The following GCSH variants were observed in gnomAD, a reference collection of about 807,000 sequenced individuals.
The protein encoded by GCSH is glycine cleavage system protein H.
A neutral mutation model predicts 21.3 loss-of-function variants in GCSH; 15 were observed. The observed-to-expected ratio is 0.70, with a 90% CI of 0.47 to 1.08. The LOEUF (loss-of-function observed/expected upper bound fraction) is 1.08. GCSH is among the 50% of genes least tolerant of loss of function. The probability of loss-of-function intolerance (pLI) is 0.00; values close to 1 mark genes in which losing one functional copy is unlikely to be tolerated. For missense variants in GCSH, 179 were observed against 217.5 expected (o/e 0.82, Z 1.11); for synonymous variants, 59 against 84.5 (o/e 0.70, Z 1.66).
In GCSH at chr16:81,082,237, A is replaced by G. The variant is rs1412; in HGVS notation, c.*629T>C. 0.1 allele frequency: 45,480 copies of G among 453,150 alleles called. 2,622 individuals are homozygous for G. Among genetic ancestry groups the G allele is most frequent in the East Asian group, 0.21 (2,973 of 14,382 alleles). The allele number at this position is 453,150 out of a possible 1,614,324, so 28.1% of individuals were successfully genotyped here. A position where few individuals can be genotyped will look rare whatever the true frequency, so the allele number is the denominator to read the frequency against. ...TGTTCTGGCTTAAATTTCCTTTTAA[A>G]AAGTAACTTTCCGTAAGTTAAAGTT... On this transcript the variant is annotated 3_prime_UTR_variant, in exon 5 of 5. Transcript: ENST00000315467.
intron 1 of GCSH, among the ~76,000 whole-genome samples, chr16:81,094,601 G>A (rs6420421): frequency 1.3e-5 from 2 of 152,086 alleles, no homozygotes; most frequent in Non-Finnish European, 2.9e-5. Context: ...TAGTGATGTA[G>A]GGATCCCTAT....
At position 81,096,334 on chromosome 16, in the gene GCSH, CG is replaced by C; in HGVS notation, c.-57del. 1 of 1,328,456 alleles carries C rather than the reference CG, an allele frequency of 7.5e-7. No homozygotes were observed. 82.3% of individuals were successfully genotyped at this position (1,328,456 alleles called of 1,614,324 possible). A position where few individuals can be genotyped will look rare whatever the true frequency, so the allele number is the denominator to read the frequency against. ...CGCCTCGGCCACCCGCGCCGGGAGG[CG>C]GGGCGGGGAGGGGCAGTTCGCGGCC... On this transcript the variant is annotated 5_prime_UTR_variant, in exon 1 of 5. Transcript: ENST00000315467.
intron 2 of GCSH, among the ~76,000 whole-genome samples, chr16:81,090,306 T>C (rs1972372350): frequency 6.6e-6 from 1 of 151,934 alleles, no homozygotes; most frequent in South Asian, 2.1e-4. Context: ...AGCCTCAACC[T>C]CCTGGGCTCC....
At chr16:81,088,881 G>C (rs1180718169) in intron 2 of GCSH, among the ~76,000 whole-genome samples, 1 of 152,096 alleles carries the variant, frequency 6.6e-6, no homozygotes, top group Non-Finnish European at 1.5e-5. Flanking sequence ...CTCTCCATCA[G>C]GTAAGTGAAT....
Position 81,082,778 on chromosome 16 carries a change from T to G in GCSH, c.*88A>C, listed in dbSNP as rs8177953. 69,294 of 708,724 alleles carry G rather than the reference T, an allele frequency of 0.098. 3,966 individuals are homozygous for G. Among genetic ancestry groups the G allele is most frequent in the East Asian group, 0.21 (8,204 of 39,296 alleles). The allele number at this position is 708,724 out of a possible 1,614,324, so 43.9% of individuals were successfully genotyped here. A position where few individuals can be genotyped will look rare whatever the true frequency, so the allele number is the denominator to read the frequency against. The stretch of plus-strand genomic sequence containing the variant: ...TTCCCCATCGGTAATACTAAAAGTT[T>G]CTATTCTAAGTCTTCTATCCACCAC... On this transcript the variant is annotated 3_prime_UTR_variant, in exon 5 of 5. Coordinates refer to ENST00000315467, the MANE Select transcript of GCSH (RefSeq NM_004483.5).
At position 81,090,603 on chromosome 16, in the gene GCSH, G is replaced by A. The variant is rs769222264; in HGVS notation, c.226C>T (p.Gln76Ter). Residue 76 changes from glutamine to a stop codon, truncating the protein, a stop_gained and splice_region_variant, in exon 2 of 5, where the codon CAG becomes TAG. Coordinates refer to ENST00000315467, the MANE Select transcript of GCSH (RefSeq NM_004483.5). LOFTEE classifies it high-confidence loss of function. ...IGTVGISNFA[Q>*]EALGDVVYCS... Reference sequence around the variant, plus strand: ...AATATTTCAATATAATCCAATACCTGTGCAAAATTGCTGATTCCCACTGTT... The same window carrying A: ...AATATTTCAATATAATCCAATACCTATGCAAAATTGCTGATTCCCACTGTT... 3.2e-5 allele frequency: 50 copies of A among 1,585,622 alleles called. No homozygotes were observed. Among genetic ancestry groups the A allele is most frequent in the Non-Finnish European group, 3.8e-5 (44 of 1,154,616 alleles).
At position 81,096,316 on chromosome 16, in the gene GCSH, G is replaced by A; in HGVS notation, c.-38C>T. The A allele has an allele frequency of 7.4e-7, 1 of 1,344,752 alleles. No individual in the cohort carries two copies. Among genetic ancestry groups the A allele is most frequent in the Non-Finnish European group, 9.5e-7 (1 of 1,052,548 alleles). The allele number at this position is 1,344,752 out of a possible 1,614,324, so 83.3% of individuals were successfully genotyped here. On this transcript the variant is annotated 5_prime_UTR_variant, in exon 1 of 5. Coordinates refer to ENST00000315467, the MANE Select transcript of GCSH (RefSeq NM_004483.5). Reference sequence around the variant, plus strand: ...GCGGGGGTCGCAGCGCTACGCCTCGGCCACCCGCGCCGGGAGGCGGGGCGG... The same window carrying A: ...GCGGGGGTCGCAGCGCTACGCCTCGACCACCCGCGCCGGGAGGCGGGGCGG...
Position 81,096,390 on chromosome 16 carries a change from G to T in GCSH, c.-112C>A. On this transcript the variant is annotated 5_prime_UTR_variant, in exon 1 of 5. Coordinates refer to ENST00000315467, the MANE Select transcript of GCSH (RefSeq NM_004483.5). ...GGAGCCGGCTGGATGGAGGCGCGGA[G>T]GCGGTGCCGCGGGGGCGGGACAGAG... 1 of 872,126 alleles carries T rather than the reference G, an allele frequency of 1.1e-6. No homozygotes were observed. Among genetic ancestry groups the T allele is most frequent in the Non-Finnish European group, 1.6e-6 (1 of 641,492 alleles). 54.0% of individuals were successfully genotyped at this position (872,126 alleles called of 1,614,324 possible). A position where few individuals can be genotyped will look rare whatever the true frequency, so the allele number is the denominator to read the frequency against.
chr16:81,090,095 T>TC (rs1481546657), intron 2 of GCSH, among the ~76,000 whole-genome samples: 1 of 150,386 alleles, frequency 6.6e-6, no homozygotes, highest in Non-Finnish European at 1.5e-5. Context: ...TTTCTTTCTT[T>TC]CTTTTTTTTT....
chr16:81,093,820 G>A (rs923822805), intron 1 of GCSH, among the ~76,000 whole-genome samples: 1 of 152,110 alleles, frequency 6.6e-6, no homozygotes, highest in Non-Finnish European at 1.5e-5. Flanking sequence ...TACTAAGCAT[G>A]CTGTTTAGGC....
In GCSH at chr16:81,096,146, G is replaced by C. The variant is rs1972502072; in HGVS notation, c.133C>G (p.Pro45Ala). The change falls in exon 1 of 5, where the codon CCC (proline) becomes GCC (alanine). Residue 45 changes from proline to alanine, a missense_variant. Pro to Ala is a conservative substitution (Grantham distance 27). Coordinates refer to ENST00000315467, the MANE Select transcript of GCSH (RefSeq NM_004483.5). ...CCGCGCTTACCCGAGAGCAGAGCGG[G>C]TCCAGTGCGCAGCGTACGGACGGCG... ...VGAVRTLRTG[P>A]ALLSVRKFTE... The C allele has an allele frequency of 2.3e-6, 3 of 1,300,930 alleles. No homozygotes were observed. The highest frequency in any genetic ancestry group is 8.3e-5 in the Admixed American group (2 of 24,242). 80.6% of individuals were successfully genotyped at this position (1,300,930 alleles called of 1,614,324 possible).
intron 4 of GCSH, chr16:81,083,979 T>C (rs961658077): frequency 1.2e-5 from 2 of 160,586 alleles, no homozygotes; most frequent in African/African-American, 4.8e-5. Flanking sequence ...TCAGAGATTT[T>C]TTTTTCTTTT....
At position 81,093,867 on chromosome 16, in the gene GCSH, T is replaced by G. The variant is rs530900662; in HGVS notation, c.148+2264A>C. Among the ~76,000 whole-genome samples, 26 of 152,122 alleles carry G rather than the reference T, an allele frequency of 1.7e-4. No individual in the cohort carries two copies. In the South Asian group the frequency reaches 5.4e-3, roughly 32 times the overall value. ...ATTAGTACAATTCTCCTTTAACCCTTGGCCCGACAGGAAGAAGTGGATAGA... is the reference window on the plus strand; with the variant it reads ...ATTAGTACAATTCTCCTTTAACCCTGGGCCCGACAGGAAGAAGTGGATAGA... On this transcript the variant is annotated intron_variant, in intron 1 of 4. Transcript: ENST00000315467.
chr16:81,095,570 G>C (rs1972488515), intron 1 of GCSH, among the ~76,000 whole-genome samples: 1 of 148,010 alleles, frequency 6.8e-6, no homozygotes, highest in Non-Finnish European at 1.5e-5. Context: ...TTTTAGTAGA[G>C]ATGGGATTTC....
chr16:81,086,367 T>C (rs1271551836), intron 3 of GCSH, among the ~76,000 whole-genome samples: 1 of 152,116 alleles, frequency 6.6e-6, no homozygotes, highest in Non-Finnish European at 1.5e-5. Context: ...ACCCCGCCTC[T>C]ACCAAAACCT....
intron 3 of GCSH, among the ~76,000 whole-genome samples, chr16:81,086,498 A>C (rs1380998197): frequency 6.6e-6 from 1 of 152,174 alleles, no homozygotes; most frequent in African/African-American, 2.4e-5. Context: ...CGGAGGTTGC[A>C]GTGAGCCAAT....
intron 4 of GCSH, chr16:81,084,186 C>G (rs1972224673): frequency 3.6e-6 from 2 of 557,192 alleles, no homozygotes; most frequent in South Asian, 4.4e-5. Context: ...ACCATGTTGC[C>G]CAGGCTGGTC....
At chr16:81,088,367 A>C (rs923409828) in intron 2 of GCSH, among the ~76,000 whole-genome samples, 3 of 152,260 alleles carry the variant, frequency 2.0e-5, no homozygotes, top group Admixed American at 1.3e-4. Flanking sequence ...ACCTAACACA[A>C]GCCTCCTGCC....
chr16:81,083,699 A>G (rs1208157145), intron 4 of GCSH: 4 of 152,632 alleles, frequency 2.6e-5, no homozygotes, highest in Non-Finnish European at 4.4e-5. Context: ...TTTATCAGCC[A>G]TGAGACCCTG....
Sources: allele counts gnomAD v4.1 joint callset (sites outside exome capture counted in the v4.1 genomes callset), GRCh38; gene constraint gnomAD v4.1.1; transcripts MANE v1.5; gene names NCBI Gene and HGNC (gene_info 2026-07-23, HGNC 2026-07-21).